Variants in DLG1 observed in about 807,000 individuals in gnomAD.
The protein encoded by DLG1 is disks large homolog 1.
In DLG1, 42 loss-of-function variants were observed where a neutral mutation model predicts 123.4. The observed-to-expected ratio is 0.34, with a 90% CI of 0.27 to 0.44. The LOEUF is 0.44. DLG1 is among the 20% of genes least tolerant of loss of function. The probability of loss-of-function intolerance (pLI) is 1.00; values close to 1 mark genes in which losing one functional copy is unlikely to be tolerated. For synonymous variants in DLG1, 317 were observed against 356.2 expected (o/e 0.89, Z 1.24); for missense variants, 942 against 1,082.6 (o/e 0.87, Z 1.82).
At chr3:197,195,054 TCA>T (rs561240955) in intron 4 of DLG1, among the ~76,000 whole-genome samples, 1 of 149,282 alleles carries the variant, frequency 6.7e-6, no homozygotes, top group African/African-American at 2.5e-5. Flanking sequence ...TCTCTCTCTC[TCA>T]CACACACACA....
intron 4 of DLG1, among the ~76,000 whole-genome samples, chr3:197,275,428 A>G (rs934243347): frequency 6.6e-6 from 1 of 152,156 alleles, no homozygotes; most frequent in Non-Finnish European, 1.5e-5. Flanking sequence ...AGTATATCAA[A>G]GAGAGATCTA....
At chr3:197,261,532 C>A (rs1303548123) in intron 4 of DLG1, among the ~76,000 whole-genome samples, 2 of 152,188 alleles carry the variant, frequency 1.3e-5, no homozygotes, top group Non-Finnish European at 2.9e-5. Context: ...CACAAAGTTT[C>A]CTCACAGTTT....
chr3:197,265,010 G>A (rs1037016585), intron 4 of DLG1, among the ~76,000 whole-genome samples: 1 of 151,986 alleles, frequency 6.6e-6, no homozygotes, highest in Admixed American at 6.5e-5. Flanking sequence ...ATACTTACAG[G>A]TTTTAAGGCT....
intron 10 of DLG1, 56 bp from the exon 11 acceptor site, chr3:197,130,727 GA>G: frequency 7.2e-7 from 1 of 1,383,846 alleles, no homozygotes; most frequent in South Asian, 1.5e-5. Context: ...CTGAGTTTTG[GA>G]AACAATTTCA....
chr3:197,107,669 T>C (rs1169890504), intron 13 of DLG1, among the ~76,000 whole-genome samples: 1 of 152,180 alleles, frequency 6.6e-6, no homozygotes, highest in African/African-American at 2.4e-5. Context: ...CAATGTTTTC[T>C]TTGTCTATCC....
chr3:197,051,701 C>T (rs1221710418), intron 23 of DLG1, 33 bp from the exon 24 acceptor site: 2 of 1,488,616 alleles, frequency 1.3e-6, no homozygotes, highest in South Asian at 1.1e-5. Context: ...TGATAATTAC[C>T]AAATTATAAT....
chr3:197,112,880 G>A (rs1234798904), intron 13 of DLG1, among the ~76,000 whole-genome samples: 3 of 152,168 alleles, frequency 2.0e-5, no homozygotes, highest in Non-Finnish European at 4.4e-5. Flanking sequence ...ATAAGCAAGA[G>A]TCACGTCACC....
At chr3:197,117,658 C>T (rs1454160565) in intron 12 of DLG1, among the ~76,000 whole-genome samples, 1 of 152,052 alleles carries the variant, frequency 6.6e-6, no homozygotes, top group Non-Finnish European at 1.5e-5. Context: ...TTAAAGGTTA[C>T]CAGGGGCTGG....
chr3:197,106,274 T>A (rs3856759), intron 13 of DLG1, among the ~76,000 whole-genome samples: 1 of 151,776 alleles, frequency 6.6e-6, no homozygotes, highest in Admixed American at 6.6e-5. Flanking sequence ...GGCATGGTGG[T>A]GTGTGCCTGT....
rs1801745814 is a variant in DLG1, at chr3:197,166,925, A to AAAACC, written c.484-17134_484-17130dup. ...AAAAAACCACAACACAAAACCAAACAAAACCAAACCATGGGTCTTTGAAGA... is the reference window on the plus strand; with the variant it reads ...AAAAAACCACAACACAAAACCAAACAAAACCAAACCAAACCATGGGTCTTTGAAGA... On this transcript the variant is annotated intron_variant, in intron 5 of 24. Coordinates refer to ENST00000667157, the MANE Select transcript of DLG1 (RefSeq NM_001366207.1). Among the ~76,000 whole-genome samples the AAAACC allele has an allele frequency of 3.9e-5, 6 of 152,130 alleles. No homozygotes were observed. The South Asian group carries it at 1.3e-3, about 32-fold the overall frequency.
intron 3 of DLG1, among the ~76,000 whole-genome samples, chr3:197,295,947 T>C (rs1432111347): frequency 6.6e-6 from 1 of 152,186 alleles, no homozygotes; most frequent in African/African-American, 2.4e-5. Flanking sequence ...CAAACAGAAA[T>C]CTACATTAAG....
At chr3:197,080,010 A>C (rs899302388) in intron 17 of DLG1, among the ~76,000 whole-genome samples, 1 of 151,648 alleles carries the variant, frequency 6.6e-6, no homozygotes, top group Non-Finnish European at 1.5e-5. Context: ...ATTAAAAAAA[A>C]CCCCAAACAT....
Position 197,147,216 on chromosome 3 carries a change from T to C in DLG1, c.537+2527A>G, listed in dbSNP as rs140805144. On this transcript the variant is annotated intron_variant, in intron 6 of 24. Coordinates refer to ENST00000667157, the MANE Select transcript of DLG1 (RefSeq NM_001366207.1). ...GGAATGTAAACTAGTACAACCACTATGGAAAACAGTACAGAGAGTCCTTAA... is the reference window on the plus strand; with the variant it reads ...GGAATGTAAACTAGTACAACCACTACGGAAAACAGTACAGAGAGTCCTTAA... Among the ~76,000 whole-genome samples the C allele has an allele frequency of 9.8e-3, 1,492 of 152,280 alleles. 14 individuals are homozygous for C. Among genetic ancestry groups the C allele is most frequent in the Non-Finnish European group, 0.018 (1,222 of 68,032 alleles).
chr3:197,075,214 T>C (rs1746380899), intron 18 of DLG1, among the ~76,000 whole-genome samples: 1 of 147,342 alleles, frequency 6.8e-6, no homozygotes, highest in African/African-American at 2.5e-5. Flanking sequence ...AGCTAGAAAA[T>C]TAAACAAGAA....
At chr3:197,180,066 T>G (rs866648907) in intron 5 of DLG1, among the ~76,000 whole-genome samples, 181 of 82,600 alleles carry the variant, frequency 2.2e-3, no homozygotes, top group African/African-American at 0.01. Flanking sequence ...TGTTTTTTTT[T>G]TGGGGGGGGG....
intron 17 of DLG1, among the ~76,000 whole-genome samples, chr3:197,077,481 T>C (rs1273730750): frequency 6.6e-6 from 1 of 152,136 alleles, no homozygotes; most frequent in African/African-American, 2.4e-5. Flanking sequence ...TATTTATTCT[T>C]AAGTTCTACT....
chr3:197,294,507 A>C (rs1229585598), intron 3 of DLG1, among the ~76,000 whole-genome samples: 2 of 152,004 alleles, frequency 1.3e-5, no homozygotes, highest in Non-Finnish European at 2.9e-5. Context: ...AAAAATAAAA[A>C]ATTAGCCGGA....
intron 24 of DLG1, among the ~76,000 whole-genome samples, chr3:197,045,494 A>C (rs912581579): frequency 6.6e-6 from 1 of 151,942 alleles, no homozygotes; most frequent in African/African-American, 2.4e-5. Context: ...CAATCCTAGC[A>C]CTTTGGGAGG....
intron 3 of DLG1, among the ~76,000 whole-genome samples, chr3:197,292,480 C>T (rs1446209056): frequency 2.6e-5 from 4 of 152,142 alleles, no homozygotes; most frequent in African/African-American, 4.8e-5. Flanking sequence ...GTTGTTTATT[C>T]GGTATAGGAT....
Sources: gnomAD v4.1 joint callset for allele counts (sites outside exome capture counted in the v4.1 genomes callset) on GRCh38, gnomAD v4.1.1 for gene constraint, MANE v1.5 for transcripts, NCBI Gene and HGNC (gene_info 2026-07-23, HGNC 2026-07-21) for gene names.